The following ANP32A variants were observed in gnomAD, a reference collection of about 807,000 sequenced individuals.
ANP32A encodes acidic nuclear phosphoprotein 32 family member A.
Under a neutral mutation model 33.9 loss-of-function variants are expected in ANP32A, and 1 was observed. That is an observed-to-expected ratio of 0.03 (90% CI 0.01 to 0.14). ANP32A has a LOEUF of 0.14. Ranked by LOEUF, ANP32A falls within the 10% of genes least tolerant of loss-of-function variation. The probability of loss-of-function intolerance (pLI) is 1.00; values close to 1 mark genes in which losing one functional copy is unlikely to be tolerated. For missense variants in ANP32A, 155 were observed against 306.0 expected (o/e 0.51, Z 3.68); for synonymous variants, 115 against 120.5 (o/e 0.95, Z 0.30).
At chr15:68,810,674 C>T (rs1430698247) in intron 1 of ANP32A, among the ~76,000 whole-genome samples, 1 of 152,134 alleles carries the variant, frequency 6.6e-6, no homozygotes. Context: ...CATGGCTAAA[C>T]AGGAGAGCAA....
intron 5 of ANP32A, among the ~76,000 whole-genome samples, chr15:68,782,203 A>G (rs1306208694): frequency 6.6e-6 from 1 of 152,228 alleles, no homozygotes; most frequent in African/African-American, 2.4e-5. Flanking sequence ...CACAAAACCC[A>G]ACACAGTGCC....
intron 4 of ANP32A, among the ~76,000 whole-genome samples, chr15:68,783,342 A>G (rs1170291144): frequency 6.6e-6 from 1 of 152,052 alleles, no homozygotes; most frequent in Non-Finnish European, 1.5e-5. Flanking sequence ...AGAGCACAGC[A>G]ACAGGTTCCA....
intron 1 of ANP32A, among the ~76,000 whole-genome samples, chr15:68,815,256 T>A (rs1420573820): frequency 6.6e-6 from 1 of 152,198 alleles, no homozygotes; most frequent in Non-Finnish European, 1.5e-5. Context: ...TGAACCACCT[T>A]TTCAGCAAAC....
chr15:68,809,252 G>A (rs982299271), intron 1 of ANP32A, among the ~76,000 whole-genome samples: 2 of 152,182 alleles, frequency 1.3e-5, no homozygotes, highest in Non-Finnish European at 2.9e-5. Context: ...GGGAGACTGT[G>A]AATGTCCCCT....
chr15:68,785,835 C>A (rs1893924826), intron 3 of ANP32A, among the ~76,000 whole-genome samples: 1 of 152,142 alleles, frequency 6.6e-6, no homozygotes. Context: ...AATCCCCATA[C>A]CTCACCCATA....
At chr15:68,796,505 A>G (rs8028740) in intron 1 of ANP32A, among the ~76,000 whole-genome samples, 138,304 of 152,234 alleles carry the variant, frequency 0.91, 63,132 homozygotes, top group Middle Eastern at 0.97. Context: ...ATGAGCCACC[A>G]CACCCAGCCG....
intron 1 of ANP32A, among the ~76,000 whole-genome samples, chr15:68,813,328 T>C (rs1266089552): frequency 6.6e-6 from 1 of 152,246 alleles, no homozygotes; most frequent in Non-Finnish European, 1.5e-5. Context: ...ACAAGGAGGC[T>C]GCTTCCATGT....
chr15:68,808,364 T>C (rs1484950444), intron 1 of ANP32A, among the ~76,000 whole-genome samples: 1 of 149,398 alleles, frequency 6.7e-6, no homozygotes, highest in Non-Finnish European at 1.5e-5. Context: ...ACACACCTTC[T>C]TCCCTGCAGT....
At chr15:68,796,180 C>G (rs1177043921) in intron 1 of ANP32A, among the ~76,000 whole-genome samples, 1 of 152,196 alleles carries the variant, frequency 6.6e-6, no homozygotes, top group African/African-American at 2.4e-5. Flanking sequence ...CACCCAGATT[C>G]AAGCGATTCT....
intron 1 of ANP32A, among the ~76,000 whole-genome samples, chr15:68,805,648 T>C (rs76302603): frequency 3.3e-5 from 5 of 152,278 alleles, no homozygotes; most frequent in Non-Finnish European, 5.9e-5. Context: ...GGGCCTTAGC[T>C]TGTTTATTGG....
At chr15:68,807,236 T>C (rs755478283) in intron 1 of ANP32A, among the ~76,000 whole-genome samples, 3 of 152,072 alleles carry the variant, frequency 2.0e-5, no homozygotes, top group Non-Finnish European at 2.9e-5. Context: ...GAATGAAAGA[T>C]AAAGGACTGG....
At chr15:68,814,851 C>T (rs908701142) in intron 1 of ANP32A, among the ~76,000 whole-genome samples, 1 of 152,216 alleles carries the variant, frequency 6.6e-6, no homozygotes, top group African/African-American at 2.4e-5. Flanking sequence ...GGGTGCACAG[C>T]TGCCCCGCCT....
At chr15:68,799,130 A>G (rs1474648257) in intron 1 of ANP32A, among the ~76,000 whole-genome samples, 2 of 152,206 alleles carry the variant, frequency 1.3e-5, no homozygotes, top group East Asian at 3.8e-4. Context: ...GTATGGCAAA[A>G]ATTATTAGTG....
intron 4 of ANP32A, 34 bp from the exon 5 acceptor site, chr15:68,783,087 T>C: frequency 6.4e-7 from 1 of 1,551,276 alleles, no homozygotes; most frequent in South Asian, 1.2e-5. Context: ...GAAACAGAAC[T>C]AGTGGTGAGC....
chr15:68,815,406 C>T (rs976591048), intron 1 of ANP32A, among the ~76,000 whole-genome samples: 6 of 149,684 alleles, frequency 4.0e-5, no homozygotes, highest in Non-Finnish European at 7.4e-5. Flanking sequence ...ATATTGAGTA[C>T]AATTTTTTTT....
intron 1 of ANP32A, among the ~76,000 whole-genome samples, chr15:68,805,162 C>A (rs1228927722): frequency 2.0e-5 from 3 of 152,214 alleles, no homozygotes; most frequent in African/African-American, 7.2e-5. Flanking sequence ...AAGCATCTAA[C>A]CCCCTAAACC....
intron 1 of ANP32A, among the ~76,000 whole-genome samples, chr15:68,795,125 G>C (rs1894046904): frequency 6.6e-6 from 1 of 152,098 alleles, no homozygotes; most frequent in East Asian, 1.9e-4. Context: ...GAAGACCATG[G>C]AATTAACAGA....
At position 68,779,867 on chromosome 15, in the gene ANP32A, A is replaced by G. The variant is rs1893842116; in HGVS notation, c.*214T>C. 13 of 539,240 alleles carry G rather than the reference A, an allele frequency of 2.4e-5. No individual in the cohort carries two copies. In the East Asian group the frequency reaches 3.5e-4, roughly 15 times the overall value. The allele number at this position is 539,240 out of a possible 1,614,324, so 33.4% of individuals were successfully genotyped here. A position where few individuals can be genotyped will look rare whatever the true frequency, so the allele number is the denominator to read the frequency against. On this transcript the variant is annotated 3_prime_UTR_variant, in exon 7 of 7. Coordinates refer to ENST00000465139, the MANE Select transcript of ANP32A (RefSeq NM_006305.4). ...CAAAGAAAAAGTAGGGGAAAAAAAT[A>G]AAGAGTGGCAGTAAAAATAGTATTT...
chr15:68,790,520 C>G (rs1352034700), intron 1 of ANP32A: 1 of 152,254 alleles, frequency 6.6e-6, no homozygotes, highest in Admixed American at 6.5e-5. Flanking sequence ...GAGGACAATA[C>G]TCAAGCAATC....
Sources: allele counts gnomAD v4.1 joint callset (sites outside exome capture counted in the v4.1 genomes callset), GRCh38; gene constraint gnomAD v4.1.1; transcripts MANE v1.5; gene names NCBI Gene and HGNC (gene_info 2026-07-23, HGNC 2026-07-21).